TPD52L1: variants seen among roughly 807,000 people sequenced by gnomAD.
The protein encoded by TPD52L1 is TPD52 like 1.
A neutral mutation model predicts 28.7 loss-of-function variants in TPD52L1; 18 were observed. The observed-to-expected ratio is 0.63, with a 90% confidence interval of 0.43 to 0.93. The LOEUF (loss-of-function observed/expected upper bound fraction) is 0.93. Among genes scored for constraint, TPD52L1 ranks in the 40% least tolerant of loss-of-function variants. The pLI is 0.00. For missense variants in TPD52L1, 203 were observed against 254.8 expected (o/e 0.80, Z 1.39); for synonymous variants, 75 against 88.8 (o/e 0.84, Z 0.88).
At chr6:125,233,259 T>G (rs144522390) in intron 3 of TPD52L1, among the ~76,000 whole-genome samples, 73 of 152,340 alleles carry the variant, frequency 4.8e-4, no homozygotes, top group African/African-American at 1.7e-3. Flanking sequence ...ACGAAAAGCC[T>G]CACATTCAGC....
At chr6:125,227,427 C>G (rs1038469302) in intron 2 of TPD52L1, among the ~76,000 whole-genome samples, 1 of 152,134 alleles carries the variant, frequency 6.6e-6, no homozygotes, top group Non-Finnish European at 1.5e-5. Flanking sequence ...ATCCAAGGAA[C>G]GCATTTGCAA....
chr6:125,154,664 C>T (rs1327294466), intron 1 of TPD52L1: 1 of 341,276 alleles, frequency 2.9e-6, no homozygotes, highest in African/African-American at 2.2e-5. Context: ...AGGGCGGCCT[C>T]ATATCTTGGG....
rs147844530 is a variant in TPD52L1 at position 125,248,280 on chromosome 6, A to G, written c.285-2A>G. 3 of 1,612,156 alleles carry G rather than the reference A, an allele frequency of 1.9e-6. No homozygotes were observed. The highest frequency in any genetic ancestry group is 2.7e-5 in the African/African-American group (2 of 74,896). On this transcript the variant is annotated splice_acceptor_variant, in intron 3 of 6. Transcript: ENST00000534000. LOFTEE classifies it high-confidence loss of function. ...AACCATGTTGTTCTGTTTTATTTCT[A>G]GCTACAAGAAAACACATGAAACCCT...
chr6:125,253,886 G>A (rs369977317), intron 5 of TPD52L1, 131 bp downstream of exon 5: 7 of 916,452 alleles, frequency 7.6e-6, no homozygotes, highest in African/African-American at 6.5e-5. Context: ...AAAAGAAAAG[G>A]CTGACAATTC....
At chr6:125,227,326 G>A (rs576653377) in intron 2 of TPD52L1, among the ~76,000 whole-genome samples, 1 of 151,794 alleles carries the variant, frequency 6.6e-6, no homozygotes, top group East Asian at 2.0e-4. Flanking sequence ...ATTGGCGCTA[G>A]TGAAAGACTG....
chr6:125,227,494 G>A (rs1010835611), intron 2 of TPD52L1, among the ~76,000 whole-genome samples: 1 of 152,098 alleles, frequency 6.6e-6, no homozygotes, highest in South Asian at 2.1e-4. Flanking sequence ...GAAGTAGAGT[G>A]ACACTTTACA....
chr6:125,253,562 C>A lies in TPD52L1; in HGVS notation c.387-155C>A, dbSNP rs1396316945. 5 of 683,944 alleles carry A rather than the reference C, an allele frequency of 7.3e-6. No homozygotes were observed. In the East Asian group the frequency reaches 1.1e-4, roughly 14 times the overall value. The allele number at this position is 683,944 out of a possible 1,614,324, so 42.4% of individuals were successfully genotyped here. ...GAAAGCTGACTATACCCATTATACC[C>A]AACAAAAACAAATGTCATCTTGGTT... On this transcript the variant is annotated intron_variant, in intron 4 of 6. Coordinates refer to ENST00000534000, the MANE Select transcript of TPD52L1 (RefSeq NM_003287.4).
At chr6:125,157,842 A>C (rs1013161096) in intron 1 of TPD52L1, among the ~76,000 whole-genome samples, 5 of 152,188 alleles carry the variant, frequency 3.3e-5, no homozygotes, top group Non-Finnish European at 5.9e-5. Flanking sequence ...TCGTGGCCTA[A>C]AACAATTAAC....
chr6:125,215,375 A>G (rs929840702), intron 1 of TPD52L1, among the ~76,000 whole-genome samples: 6 of 152,186 alleles, frequency 3.9e-5, no homozygotes, highest in Non-Finnish European at 8.8e-5. Flanking sequence ...CAGTGAGTTG[A>G]ACATATTCTG....
chr6:125,200,080 C>A (rs1348573326), intron 1 of TPD52L1, among the ~76,000 whole-genome samples: 4 of 152,162 alleles, frequency 2.6e-5, no homozygotes, highest in Non-Finnish European at 5.9e-5. Flanking sequence ...ATTATTAAAC[C>A]CCTCTTTCAG....
chr6:125,181,290 C>G (rs573850), intron 1 of TPD52L1, among the ~76,000 whole-genome samples: 62,450 of 151,944 alleles, frequency 0.41, 14,469 homozygotes, highest in African/African-American at 0.64. Flanking sequence ...ACATAAGATA[C>G]TCACGCAGAA....
intron 3 of TPD52L1, among the ~76,000 whole-genome samples, chr6:125,242,684 T>A (rs1796684711): frequency 6.6e-6 from 1 of 152,150 alleles, no homozygotes; most frequent in Non-Finnish European, 1.5e-5. Context: ...TGTGATTCCT[T>A]TTGTGTTACG....
chr6:125,214,953 C>T (rs1439637519), intron 1 of TPD52L1, among the ~76,000 whole-genome samples: 2 of 152,134 alleles, frequency 1.3e-5, no homozygotes, highest in African/African-American at 2.4e-5. Context: ...ACTAGAATTC[C>T]AGATCTCCTG....
At position 125,259,575 on chromosome 6, in the gene TPD52L1, G is replaced by A. The variant is rs116122899; in HGVS notation, c.486+2417G>A. ...ACGAACTCCTGTGAAGCCACTTTTG[G>A]TATCTTCTGCCATCTCCCAATGAGT... is the stretch of plus-strand genomic sequence containing the variant. On this transcript the variant is annotated intron_variant, in intron 6 of 6. Transcript: ENST00000534000. Among the ~76,000 whole-genome samples the A allele has an allele frequency of 7.1e-3, 1,088 of 152,266 alleles. 17 individuals carry two copies. The highest frequency in any genetic ancestry group is 0.025 in the African/African-American group (1,034 of 41,540).
At chr6:125,156,673 G>A (rs555600556) in intron 1 of TPD52L1, among the ~76,000 whole-genome samples, 1 of 152,188 alleles carries the variant, frequency 6.6e-6, no homozygotes, top group African/African-American at 2.4e-5. Context: ...GGAGGTTGAG[G>A]TGGGAGGATC....
rs202180069 is a variant in TPD52L1 at position 125,158,575 on chromosome 6, G to A, written c.19+4605G>A. ...AAATAGATGAAAGAAAATAAATGAG[G>A]ATAAGAAGAGAAAAGGAAGCAAGGG... is the stretch of plus-strand genomic sequence containing the variant. On this transcript the variant is annotated intron_variant, in intron 1 of 6. Coordinates refer to ENST00000534000, the MANE Select transcript of TPD52L1 (RefSeq NM_003287.4). Among the ~76,000 whole-genome samples, 5 of 49,442 alleles carry A rather than the reference G, an allele frequency of 1.0e-4. No homozygotes were observed. In the African/African-American group the frequency reaches 1.6e-3, roughly 16 times the overall value. The allele number at this position is 49,442 out of a possible 152,430, so 32.4% of individuals were successfully genotyped here.
intron 6 of TPD52L1, among the ~76,000 whole-genome samples, chr6:125,257,376 A>C (rs1350952547): frequency 6.6e-6 from 1 of 152,250 alleles, no homozygotes. Context: ...TGAATTGTTC[A>C]TTAAAGTGAA....
intron 1 of TPD52L1, among the ~76,000 whole-genome samples, chr6:125,214,110 C>A (rs1794699365): frequency 6.6e-6 from 1 of 152,166 alleles, no homozygotes. Flanking sequence ...CAAGATGCAG[C>A]CTGGCAGGGA....
rs144196947 is a variant in TPD52L1 at position 125,182,839 on chromosome 6, C to T, written c.19+28869C>T. 1.6e-3 allele frequency among the ~76,000 whole-genome samples: 250 copies of T among 152,298 alleles called. 1 individual carries two copies. Among genetic ancestry groups the T allele is most frequent in the Admixed American group, 3.1e-3 (47 of 15,308 alleles). On this transcript the variant is annotated intron_variant, in intron 1 of 6. Coordinates refer to ENST00000534000, the MANE Select transcript of TPD52L1 (RefSeq NM_003287.4). The stretch of plus-strand genomic sequence containing the variant: ...ACAGAGGCCCAGGGAACTTAAGCAG[C>T]TTGTGTGCCAAGTATTTAAAAATTA...
Sources: gnomAD v4.1 joint callset for allele counts (sites outside exome capture counted in the v4.1 genomes callset) on GRCh38, gnomAD v4.1.1 for gene constraint, MANE v1.5 for transcripts, NCBI Gene and HGNC (gene_info 2026-07-23, HGNC 2026-07-21) for gene names.